MOB3B: variants seen among roughly 807,000 people sequenced by gnomAD.
MOB3B encodes MOB kinase activator 3B.
In MOB3B, 7 loss-of-function variants were observed where a neutral mutation model predicts 18.7. The ratio of observed to expected loss-of-function variants is 0.37; its 90% CI spans 0.21 to 0.70. The LOEUF (loss-of-function observed/expected upper bound fraction) is 0.70, where lower values mean the gene tolerates loss of function less well. MOB3B is among the 30% of genes least tolerant of loss of function. The pLI is 0.52. For synonymous variants in MOB3B, 111 were observed against 99.9 expected (o/e 1.11, Z -0.66); for missense variants, 253 against 281.3 (o/e 0.90, Z 0.72).
rs142776907 is a variant in MOB3B, at chr9:27,363,258, T to C, written c.419-4022A>G. On this transcript the variant is annotated intron_variant, in intron 2 of 3. Transcript: ENST00000262244. ...AGTAGTGGAATTATTATTTCAGGTT[T>C]TTCGTTTTTTTGTTTGTTTGTTTTT... Among the ~76,000 whole-genome samples, 894 of 152,166 alleles carry C rather than the reference T, an allele frequency of 5.9e-3. 6 individuals are homozygous for C. Among genetic ancestry groups the C allele is most frequent in the Admixed American group, 0.011 (172 of 15,282 alleles).
chr9:27,395,464 A>G (rs962344438), intron 2 of MOB3B, among the ~76,000 whole-genome samples: 1 of 152,146 alleles, frequency 6.6e-6, no homozygotes, highest in African/African-American at 2.4e-5. Context: ...TAAAAAAAAA[A>G]AGACTGTTGA....
At chr9:27,522,420 C>CATATATATATATATAT (rs66472709) in intron 1 of MOB3B, among the ~76,000 whole-genome samples, 37 of 141,376 alleles carry the variant, frequency 2.6e-4, no homozygotes, top group African/African-American at 8.5e-4. Flanking sequence ...GACATTTTTT[C>CATATATATATATATAT]ATATATATAT....
intron 2 of MOB3B, among the ~76,000 whole-genome samples, chr9:27,404,808 G>A (rs1190567313): frequency 6.6e-6 from 1 of 152,134 alleles, no homozygotes; most frequent in Non-Finnish European, 1.5e-5. Flanking sequence ...TCATGTGGTA[G>A]TTTTATTTTT....
intron 1 of MOB3B, among the ~76,000 whole-genome samples, chr9:27,514,986 A>T (rs1336280328): frequency 6.6e-6 from 1 of 152,214 alleles, no homozygotes. Flanking sequence ...AGAACTCAGT[A>T]CCAAGAGAAG....
chr9:27,326,646 C>T lies in MOB3B; in HGVS notation c.*3941G>A, dbSNP rs1363784083. On this transcript the variant is annotated 3_prime_UTR_variant, in exon 4 of 4. Transcript: ENST00000262244. ...AGATAGAAGGAATTGATTAAGAAAC[C>T]TCTCAAAGTTTCTTCCACTTAACCT... 2 of 398,164 alleles carry T rather than the reference C, an allele frequency of 5.0e-6. No homozygotes were observed. Among genetic ancestry groups the T allele is most frequent in the Non-Finnish European group, 8.9e-6 (2 of 225,946 alleles). 24.7% of individuals were successfully genotyped at this position (398,164 alleles called of 1,614,324 possible). A position where few individuals can be genotyped will look rare whatever the true frequency, so the allele number is the denominator to read the frequency against.
intron 3 of MOB3B, among the ~76,000 whole-genome samples, chr9:27,351,402 A>T (rs1325412912): frequency 6.6e-6 from 1 of 152,220 alleles, no homozygotes; most frequent in African/African-American, 2.4e-5. Flanking sequence ...GGGGAAACTG[A>T]GGCTCAGAGC....
intron 3 of MOB3B, among the ~76,000 whole-genome samples, chr9:27,349,814 G>A (rs1293143677): frequency 6.6e-6 from 1 of 152,188 alleles, no homozygotes; most frequent in Non-Finnish European, 1.5e-5. Flanking sequence ...AAGTGGCTTA[G>A]CAAAGAGAAG....
At chr9:27,475,883 G>A (rs536418076) in intron 1 of MOB3B, among the ~76,000 whole-genome samples, 23 of 152,268 alleles carry the variant, frequency 1.5e-4, no homozygotes, top group Non-Finnish European at 2.9e-5. Context: ...GACTGGGCTG[G>A]TTGCACTGCC....
chr9:27,508,201 T>A (rs1002313661), intron 1 of MOB3B, among the ~76,000 whole-genome samples: 22 of 152,328 alleles, frequency 1.4e-4, no homozygotes, highest in African/African-American at 4.3e-4. Flanking sequence ...GATATGAGAA[T>A]AATGCCTTTG....
chr9:27,429,924 T>C (rs1220801654), intron 2 of MOB3B, among the ~76,000 whole-genome samples: 1 of 152,094 alleles, frequency 6.6e-6, no homozygotes, highest in Non-Finnish European at 1.5e-5. Flanking sequence ...GGTTAGAAGA[T>C]CTAAGTTAGT....
At chr9:27,430,546 C>CT (rs928944284) in intron 2 of MOB3B, among the ~76,000 whole-genome samples, 5 of 151,922 alleles carry the variant, frequency 3.3e-5, no homozygotes, top group Admixed American at 2.0e-4. Context: ...GGTTCTAAGT[C>CT]TTTTTTTTGT....
In MOB3B at chr9:27,329,859, C is replaced by G. The variant is rs1259015751; in HGVS notation, c.*728G>C. 1 of 152,626 alleles carries G rather than the reference C, an allele frequency of 6.6e-6. No individual in the cohort carries two copies. Among genetic ancestry groups the G allele is most frequent in the Non-Finnish European group, 1.5e-5 (1 of 68,040 alleles). 9.5% of individuals were successfully genotyped at this position (152,626 alleles called of 1,614,324 possible). On this transcript the variant is annotated 3_prime_UTR_variant, in exon 4 of 4. Coordinates refer to ENST00000262244, the MANE Select transcript of MOB3B (RefSeq NM_024761.5). The stretch of plus-strand genomic sequence containing the variant: ...CTGATCAGGTGAACTGGTAACTTGT[C>G]AGCTTTACGCTAGTAACCAGTCTCT...
intron 1 of MOB3B, among the ~76,000 whole-genome samples, chr9:27,486,139 G>A (rs1016805704): frequency 2.0e-5 from 3 of 152,132 alleles, no homozygotes; most frequent in South Asian, 2.1e-4. Flanking sequence ...ACAGGACAAC[G>A]GGCAAGAGCT....
chr9:27,344,313 C>T (rs140041678), intron 3 of MOB3B, among the ~76,000 whole-genome samples: 206 of 152,266 alleles, frequency 1.4e-3, no homozygotes, highest in Non-Finnish European at 1.4e-3. Flanking sequence ...AACATCCATG[C>T]CCAACTAATT....
At chr9:27,454,487 T>C (rs1822839607) in intron 2 of MOB3B, among the ~76,000 whole-genome samples, 2 of 152,154 alleles carry the variant, frequency 1.3e-5, no homozygotes, top group South Asian at 2.1e-4. Context: ...CATGAAGAAA[T>C]GTAAGAGGCA....
chr9:27,326,437 G>A lies in MOB3B; in HGVS notation c.*4150C>T, dbSNP rs1820713161. The A allele has an allele frequency of 2.5e-6, 1 of 398,410 alleles. No homozygotes were observed. The highest frequency in any genetic ancestry group is 4.4e-6 in the Non-Finnish European group (1 of 226,040). 24.7% of individuals were successfully genotyped at this position (398,410 alleles called of 1,614,324 possible). A position where few individuals can be genotyped will look rare whatever the true frequency, so the allele number is the denominator to read the frequency against. On this transcript the variant is annotated 3_prime_UTR_variant, in exon 4 of 4. Coordinates refer to ENST00000262244, the MANE Select transcript of MOB3B (RefSeq NM_024761.5). ...CATCTTTGGACCTTTCTAAAAGTGG[G>A]ACACTAGAAAAGATATACTGAAACT...
chr9:27,430,940 A>G (rs549290469), intron 2 of MOB3B, among the ~76,000 whole-genome samples: 1 of 151,886 alleles, frequency 6.6e-6, no homozygotes, highest in East Asian at 1.9e-4. Context: ...AAAAAAAAAA[A>G]AAATCCCAGT....
rs79437331 is a variant in MOB3B at position 27,462,690 on chromosome 9, G to T, written c.-198-6942C>A. 7.2e-4 allele frequency among the ~76,000 whole-genome samples: 110 copies of T among 152,252 alleles called. 4 individuals are homozygous for T. In the East Asian group the frequency reaches 0.02, roughly 27 times the overall value. Reference sequence around the variant, plus strand: ...TCTTGGAAAAGTCTTAAAGGAAAAAGGTTCAAATTCAAGGAAGTTGGATCC... The same window carrying T: ...TCTTGGAAAAGTCTTAAAGGAAAAATGTTCAAATTCAAGGAAGTTGGATCC... On this transcript the variant is annotated intron_variant, in intron 1 of 3. Transcript: ENST00000262244.
chr9:27,410,360 G>T, intron 2 of MOB3B, among the ~76,000 whole-genome samples: 1 of 152,144 alleles, frequency 6.6e-6, no homozygotes, highest in South Asian at 2.1e-4. Flanking sequence ...AATGAATTCA[G>T]TCTGATGAAG....
Sources: allele counts gnomAD v4.1 joint callset (sites outside exome capture counted in the v4.1 genomes callset), GRCh38; gene constraint gnomAD v4.1.1; transcripts MANE v1.5; gene names NCBI Gene and HGNC (gene_info 2026-07-23, HGNC 2026-07-21).